The following NOMO1 variants were observed in gnomAD, a reference collection of about 807,000 sequenced individuals.
NOMO1 encodes the protein NODAL modulator 1.
A neutral mutation model predicts 133.8 loss-of-function variants in NOMO1; 40 were observed. The ratio of observed to expected loss-of-function variants is 0.30; its 90% CI spans 0.23 to 0.39. The LOEUF (loss-of-function observed/expected upper bound fraction) is 0.39. NOMO1 is among the 10% of genes least tolerant of loss of function. The pLI is 1.00. For synonymous variants in NOMO1, 236 were observed against 570.5 expected, an observed-to-expected ratio of 0.41 and a Z score of 8.36; for missense variants, 462 against 1,419.9, an observed-to-expected ratio of 0.33 and a Z score of 10.84.
rs1597102955 is a variant in NOMO1, at chr16:14,864,950, A to G, written c.1538-74A>G. The G allele has an allele frequency of 1.9e-6, 3 of 1,608,472 alleles. No homozygotes were observed. In the South Asian group the frequency reaches 3.3e-5, roughly 18 times the overall value. On this transcript the variant is annotated intron_variant, in intron 13 of 30. Transcript: ENST00000287667. Reference sequence around the variant, plus strand: ...CTCAGCAGTAGCAAGAAGCTATTACATAGGGTTAGGATTCAAACCTGTGCT... The same window carrying G: ...CTCAGCAGTAGCAAGAAGCTATTACGTAGGGTTAGGATTCAAACCTGTGCT...
intron 24 of NOMO1, 90 bp from the exon 25 acceptor site, chr16:14,881,454 T>C (rs1343682758): frequency 9.6e-5 from 154 of 1,610,050 alleles, no homozygotes; most frequent in Middle Eastern, 6.7e-4. Context: ...CTGAACTATT[T>C]TGCCCCATAA....
intron 6 of NOMO1, among the ~76,000 whole-genome samples, chr16:14,851,083 C>CAA (rs61323903): frequency 1.0e-5 from 1 of 97,274 alleles, no homozygotes; most frequent in Non-Finnish European, 2.1e-5. Flanking sequence ...GACTCCATCT[C>CAA]AAAAAAAAAA....
chr16:14,884,461 T>G lies in NOMO1; in HGVS notation c.3201T>G (p.Ser1067=), dbSNP rs566110241. Residue 1067 remains serine (S), a synonymous_variant, in exon 27 of 31, where the codon TCT becomes TCG. Coordinates refer to ENST00000287667, the MANE Select transcript of NOMO1 (RefSeq NM_014287.4). ...TAAGTGGAAATGTGATCACTTCCTC[T>G]GAATACCTTCCTACATTATGGGTAA... is the stretch of plus-strand genomic sequence containing the variant. ...FDLSGNVITS[S]EYLPTLWVKL... is the part of the protein sequence containing the mutation. 5.1e-5 allele frequency: 82 copies of G among 1,611,674 alleles called. No individual in the cohort carries two copies. The South Asian group carries it at 8.9e-4, about 18-fold the overall frequency.
intron 11 of NOMO1, among the ~76,000 whole-genome samples, chr16:14,860,092 G>A (rs1271732680): frequency 5.9e-5 from 9 of 151,776 alleles, no homozygotes; most frequent in Admixed American, 1.3e-4. Context: ...TTGGTTGGCC[G>A]GGCACGGTGG....
At chr16:14,841,946 C>T (rs1486276164) in intron 3 of NOMO1, among the ~76,000 whole-genome samples, 4 of 151,776 alleles carry the variant, frequency 2.6e-5, no homozygotes, top group African/African-American at 9.7e-5. Context: ...AGTTATAGTC[C>T]CTGCCCCACT....
intron 26 of NOMO1, among the ~76,000 whole-genome samples, chr16:14,882,926 G>A (rs1045659628): frequency 5.9e-5 from 9 of 152,086 alleles, no homozygotes; most frequent in African/African-American, 2.2e-4. Context: ...TGCCCTGTAA[G>A]CTCTGATCAT....
chr16:14,859,278 G>A (rs1173447624), intron 11 of NOMO1, among the ~76,000 whole-genome samples: 4 of 151,920 alleles, frequency 2.6e-5, no homozygotes, highest in African/African-American at 9.7e-5. Context: ...GGAGGCCACA[G>A]TGACTCTTTT....
Position 14,857,261 on chromosome 16 carries a change from G to A in NOMO1, c.1008G>A (p.Leu336=), listed in dbSNP as rs537178667. The change falls in exon 10 of 31, where the codon TTG becomes TTA. Residue 336 remains leucine (L), a synonymous_variant. Coordinates refer to ENST00000287667, the MANE Select transcript of NOMO1 (RefSeq NM_014287.4). ...VMGFSVTGRV[L]NGPEGDGVPE... is the part of the protein sequence containing the mutation. ...GATTCTCCGTCACCGGGAGGGTCTT[G>A]AACGGACCCGAAGGAGATGGTGTTC... 5.6e-6 allele frequency: 9 copies of A among 1,605,406 alleles called. No individual in the cohort carries two copies. In the African/African-American group the frequency reaches 1.1e-4, roughly 19 times the overall value.
intron 27 of NOMO1, among the ~76,000 whole-genome samples, chr16:14,885,283 GCTTTCTCTTGT>G (rs1964307362): frequency 6.6e-6 from 1 of 151,774 alleles, no homozygotes; most frequent in Admixed American, 6.6e-5. Flanking sequence ...GGTGGTCTGG[GCTTTCTCTTGT>G]CTCCAGTAGT....
At chr16:14,846,438 G>C (rs1167977010) in intron 4 of NOMO1, 139 bp from the exon 5 acceptor site, 3 of 541,580 alleles carry the variant, frequency 5.5e-6, no homozygotes, top group African/African-American at 2.2e-5. Context: ...ACATATCCAT[G>C]ATTTATAGCA....
chr16:14,869,672 A>G (rs1964053947), intron 16 of NOMO1, among the ~76,000 whole-genome samples: 1 of 150,436 alleles, frequency 6.6e-6, no homozygotes, highest in East Asian at 2.0e-4. Context: ...AGTGGTTTCC[A>G]GTTTGACGCT....
intron 6 of NOMO1, among the ~76,000 whole-genome samples, chr16:14,850,113 C>G (rs1963736298): frequency 6.7e-6 from 1 of 149,714 alleles, no homozygotes; most frequent in Non-Finnish European, 1.5e-5. Context: ...TCTTGTTGCC[C>G]AGGCTGGAGT....
chr16:14,867,712 A>G (rs1463932994), intron 15 of NOMO1, among the ~76,000 whole-genome samples: 1 of 148,380 alleles, frequency 6.7e-6, no homozygotes, highest in Non-Finnish European at 1.5e-5. Flanking sequence ...GAGAAACTAG[A>G]AGAATTGGAA....
At chr16:14,885,243 C>G (rs1008837080) in intron 27 of NOMO1, among the ~76,000 whole-genome samples, 2 of 151,894 alleles carry the variant, frequency 1.3e-5, no homozygotes, top group Admixed American at 1.3e-4. Flanking sequence ...CAAACAGTAT[C>G]AGAGGTGGTG....
At chr16:14,847,778 G>A (rs1963703624) in intron 5 of NOMO1, among the ~76,000 whole-genome samples, 1 of 151,980 alleles carries the variant, frequency 6.6e-6, no homozygotes, top group African/African-American at 2.4e-5. Context: ...AGTTTATAAT[G>A]AGTCTGTCAG....
At chr16:14,854,273 C>T (rs1187701072) in intron 9 of NOMO1, among the ~76,000 whole-genome samples, 2 of 123,624 alleles carry the variant, frequency 1.6e-5, no homozygotes, top group Non-Finnish European at 3.4e-5. Flanking sequence ...GGCACCATTC[C>T]AGGACTGGGG....
At chr16:14,864,390 C>G (rs1365538324) in intron 12 of NOMO1, among the ~76,000 whole-genome samples, 195 bp from the exon 13 acceptor site, 1 of 151,948 alleles carries the variant, frequency 6.6e-6, no homozygotes, top group East Asian at 1.9e-4. Context: ...GCTAATTTTT[C>G]ATCTGGGTAG....
In NOMO1 at chr16:14,887,263, T is replaced by G. The variant is rs968565930; in HGVS notation, c.3324+401T>G. 1.3e-5 allele frequency among the ~76,000 whole-genome samples: 2 copies of G among 152,006 alleles called. 1 individual carries two copies. Among genetic ancestry groups the G allele is most frequent in the Non-Finnish European group, 2.9e-5 (2 of 68,018 alleles). On this transcript the variant is annotated intron_variant, in intron 28 of 30. Transcript: ENST00000287667. ...TAATCCGTGCTTTTCAATGAAGAAT[T>G]TATCACAAATCTGTTCCTCATCATC...
chr16:14,871,431 G>A (rs1438571553), intron 16 of NOMO1, among the ~76,000 whole-genome samples, 190 bp from the exon 17 acceptor site: 1 of 152,084 alleles, frequency 6.6e-6, no homozygotes, highest in East Asian at 1.9e-4. Context: ...GCATGGATCG[G>A]GTTATTGGTA....
Sources: allele counts gnomAD v4.1 joint callset (sites outside exome capture counted in the v4.1 genomes callset), GRCh38; gene constraint gnomAD v4.1.1; transcripts MANE v1.5; gene names NCBI Gene and HGNC (gene_info 2026-07-23, HGNC 2026-07-21).